The following MCF2L variants were observed in gnomAD, a reference collection of about 807,000 sequenced individuals.
The protein encoded by MCF2L is guanine nucleotide exchange factor DBS.
In MCF2L, 97 loss-of-function variants were observed where a neutral mutation model predicts 153.4. The ratio of observed to expected loss-of-function variants is 0.63; its 90% CI spans 0.54 to 0.75. The LOEUF (loss-of-function observed/expected upper bound fraction) is 0.75. Among genes scored for constraint, MCF2L ranks in the 30% least tolerant of loss-of-function variants. The probability of loss-of-function intolerance (pLI) is 0.00; values close to 1 mark genes in which losing one functional copy is unlikely to be tolerated. For synonymous variants in MCF2L, 659 were observed against 632.2 expected (o/e 1.04, Z -0.64); for missense variants, 1,347 against 1,495.2 (o/e 0.90, Z 1.64).
intron 12 of MCF2L, among the ~76,000 whole-genome samples, 192 bp from the exon 13 acceptor site, chr13:113,076,860 G>C (rs535995427): frequency 6.6e-6 from 1 of 152,246 alleles, no homozygotes; most frequent in Non-Finnish European, 1.5e-5. Flanking sequence ...GCCCCGTCCC[G>C]TGTGGGGGCT....
intron 2 of MCF2L, among the ~76,000 whole-genome samples, chr13:112,915,068 G>C (rs928289401): frequency 6.6e-6 from 1 of 151,754 alleles, no homozygotes; most frequent in African/African-American, 2.4e-5. Context: ...GTCAAGTATG[G>C]GTCCAAGTTT....
chr13:112,988,434 C>T (rs1305845399), intron 1 of MCF2L, among the ~76,000 whole-genome samples: 1 of 152,144 alleles, frequency 6.6e-6, no homozygotes, highest in African/African-American at 2.4e-5. Flanking sequence ...TGTGGGTGCA[C>T]GGGTGTGGTG....
intron 2 of MCF2L, among the ~76,000 whole-genome samples, chr13:113,024,121 G>A (rs898796111): frequency 6.6e-6 from 1 of 152,250 alleles, no homozygotes; most frequent in Non-Finnish European, 1.5e-5. Flanking sequence ...GTCAGTGTTC[G>A]AATGGAGCTC....
At position 112,941,823 on chromosome 13, in the gene MCF2L, T is replaced by A. The variant is rs1246720719; in HGVS notation, c.169+39452T>A. ...TATTATAATAATCCTTGCTCTACAATCATAACCTAGGAAAAACCAGGCCAT... is the reference window on the plus strand; with the variant it reads ...TATTATAATAATCCTTGCTCTACAAACATAACCTAGGAAAAACCAGGCCAT... On this transcript the variant is annotated intron_variant, in intron 2 of 29. Transcript: ENST00000375608. This position sits in a 1 kb window ranked among gnomAD's most constrained non-coding sequence, Gnocchi z 4.9. 1.3e-5 allele frequency among the ~76,000 whole-genome samples: 2 copies of A among 152,142 alleles called. No individual in the cohort carries two copies. The highest frequency in any genetic ancestry group is 2.4e-5 in the African/African-American group (1 of 41,424).
intron 2 of MCF2L, among the ~76,000 whole-genome samples, chr13:112,935,862 C>T (rs539663412): frequency 7.9e-5 from 12 of 152,106 alleles, no homozygotes; most frequent in African/African-American, 2.4e-4. Context: ...GGGAAAAGGC[C>T]GTGTGATGAT....
intron 5 of MCF2L, among the ~76,000 whole-genome samples, chr13:113,061,447 T>C (rs2031387863): frequency 6.6e-6 from 1 of 151,930 alleles, no homozygotes; most frequent in South Asian, 2.1e-4. Context: ...CAGAGACATA[T>C]GGGCCAGCAC....
At chr13:112,916,150 G>T (rs780640551) in intron 2 of MCF2L, among the ~76,000 whole-genome samples, 18 of 147,998 alleles carry the variant, frequency 1.2e-4, no homozygotes, top group Admixed American at 2.0e-4. Context: ...GGAGGTTGCA[G>T]TGAGCTGAGA....
intron 4 of MCF2L, among the ~76,000 whole-genome samples, chr13:113,053,000 CAT>C (rs1422982958): frequency 5.9e-5 from 9 of 152,132 alleles, no homozygotes; most frequent in Non-Finnish European, 1.3e-4. Flanking sequence ...CAAACACACA[CAT>C]ATATGCACAT....
chr13:113,066,529 A>G (rs1173655148), intron 8 of MCF2L, among the ~76,000 whole-genome samples: 3 of 152,180 alleles, frequency 2.0e-5, no homozygotes. Context: ...ACAGGGAGAA[A>G]GCCTGGGGTT....
chr13:113,011,689 T>A (rs2084126094), intron 1 of MCF2L, among the ~76,000 whole-genome samples: 1 of 126,052 alleles, frequency 7.9e-6, no homozygotes. Context: ...GGACAGGCGG[T>A]GTGGACGGTG....
chr13:113,032,577 T>C (rs2085794090), intron 3 of MCF2L, among the ~76,000 whole-genome samples: 2 of 152,172 alleles, frequency 1.3e-5, no homozygotes, highest in Admixed American at 1.3e-4. Flanking sequence ...ATATTTTTTT[T>C]TCATGTTTTG....
chr13:113,087,658 C>G (rs2034761833), intron 22 of MCF2L, 49 bp from the exon 23 acceptor site: 2 of 1,470,926 alleles, frequency 1.4e-6, no homozygotes, highest in Non-Finnish European at 1.9e-6. Context: ...AAAAACAAGG[C>G]AGTGGGTTCA....
Position 113,046,336 on chromosome 13 carries a change from C to T in MCF2L, c.369+975C>T, listed in dbSNP as rs541380569. ...GCATGTTCTCACGCCCGCCACAGCCCGTCCCTCCCAGGCTCTGGGACCCTG... is the reference window on the plus strand; with the variant it reads ...GCATGTTCTCACGCCCGCCACAGCCTGTCCCTCCCAGGCTCTGGGACCCTG... On this transcript the variant is annotated intron_variant, in intron 4 of 29. Transcript: ENST00000535094. The surrounding 1 kb of genome is among the most constrained non-coding windows in gnomAD (Gnocchi z 4.4). 7 of 316,654 alleles carry T rather than the reference C, an allele frequency of 2.2e-5. No homozygotes were observed. The highest frequency in any genetic ancestry group is 9.7e-5 in the East Asian group (1 of 10,342). 19.6% of individuals were successfully genotyped at this position (316,654 alleles called of 1,614,324 possible).
chr13:113,097,649 C>G lies in MCF2L; in HGVS notation c.*790C>G, dbSNP rs1443993566. ...TTTAAACTATAATTTAAACAATTAA[C>G]GTTCTTTTCTACAAAAAAAATGCAG... is the stretch of plus-strand genomic sequence containing the variant. On this transcript the variant is annotated 3_prime_UTR_variant, in exon 30 of 30. Coordinates refer to ENST00000535094, the MANE Select transcript of MCF2L (RefSeq NM_001112732.3). 1 of 141,866 alleles carries G rather than the reference C, an allele frequency of 7.0e-6. No individual in the cohort carries two copies. The highest frequency in any genetic ancestry group is 2.8e-5 in the African/African-American group (1 of 35,150). 8.8% of individuals were successfully genotyped at this position (141,866 alleles called of 1,614,324 possible).
intron 3 of MCF2L, among the ~76,000 whole-genome samples, chr13:113,034,297 C>T (rs1442872329): frequency 1.1e-4 from 17 of 152,172 alleles, no homozygotes; most frequent in African/African-American, 2.6e-4. Flanking sequence ...CCACCACGCC[C>T]GGCTAATTTT....
At chr13:112,917,177 G>A in intron 2 of MCF2L, 1 of 471,192 alleles carries the variant, frequency 2.1e-6, no homozygotes, top group South Asian at 1.5e-5. Context: ...CTAGTCCACA[G>A]CTCCAGTCCG....
At chr13:113,058,961 T>TTTGGGTGCTGAGTGG in intron 4 of MCF2L, among the ~76,000 whole-genome samples, 1 of 17,000 alleles carries the variant, frequency 5.9e-5, no homozygotes, top group Non-Finnish European at 1.3e-4. Flanking sequence ...GTGCTGAGTG[T>TTTGGGTGCTGAGTGG]TTCAGCGCTG....
At position 113,050,291 on chromosome 13, in the gene MCF2L, T is replaced by TGTGAGA. The variant is rs536729356; in HGVS notation, c.369+4933_369+4934insAGAGTG. Among the ~76,000 whole-genome samples, 634 of 151,118 alleles carry TGTGAGA rather than the reference T, an allele frequency of 4.2e-3. 7 individuals carry two copies. The highest frequency in any genetic ancestry group is 0.015 in the African/African-American group (607 of 41,142). On this transcript the variant is annotated intron_variant, in intron 4 of 29. Coordinates refer to ENST00000535094, the MANE Select transcript of MCF2L (RefSeq NM_001112732.3). ...GTGTGTGAGACTGTGAGTGTGAGAG[T>TGTGAGA]GTGTGTGTGTGAGAGTGAGTGTGTG...
chr13:113,065,145 CG>C, intron 7 of MCF2L, 60 bp downstream of exon 7: 1 of 1,587,772 alleles, frequency 6.3e-7, no homozygotes. Context: ...AGAAGCTGCG[CG>C]GGGCTCCGGT....
Sources: gnomAD v4.1 joint callset for allele counts (sites outside exome capture counted in the v4.1 genomes callset) on GRCh38, gnomAD v4.1.1 for gene constraint, Gnocchi (gnomAD v3.1) non-coding constraint, MANE v1.5 for transcripts, NCBI Gene and HGNC (gene_info 2026-07-23, HGNC 2026-07-21) for gene names.